Variants in PIGT observed in about 807,000 individuals in gnomAD.
The protein encoded by PIGT is GPI-anchor transamidase component PIGT.
A neutral mutation model predicts 66.7 loss-of-function variants in PIGT; 57 were observed. That is an observed-to-expected ratio of 0.86 (90% CI 0.69 to 1.07). PIGT has a LOEUF of 1.07. Among genes scored for constraint, PIGT ranks in the 50% least tolerant of loss-of-function variants. The probability of loss-of-function intolerance (pLI) is 0.00; values close to 1 mark genes in which losing one functional copy is unlikely to be tolerated. For synonymous variants in PIGT, 362 were observed against 320.5 expected (o/e 1.13, Z -1.38); for missense variants, 725 against 740.4 (o/e 0.98, Z 0.24).
Position 45,420,635 on chromosome 20 carries a change from G to A in PIGT, c.975G>A (p.Met325Ile). 1.2e-6 allele frequency: 2 copies of A among 1,613,838 alleles called. No individual in the cohort carries two copies. The highest frequency in any genetic ancestry group is 1.7e-6 in the Non-Finnish European group (2 of 1,179,984). ...YAIYDLLDTA[M>I]INNSRNLNIQ... ...TCTATGACTTGCTTGACACCGCCAT[G>A]ATCAACAACTCTCGAAACCTCAACA... The change falls in exon 8 of 12, where the codon ATG (methionine) becomes ATA (isoleucine). Residue 325 changes from methionine (M) to isoleucine (I), a missense_variant. Physicochemically the swap from Met to Ile is conservative, Grantham distance 10. This residue lies in a region of PIGT where 559 missense variants were observed against 552.7 expected (regional missense o/e 1.01). Coordinates refer to ENST00000279036, the MANE Select transcript of PIGT (RefSeq NM_015937.6).
Position 45,416,290 on chromosome 20 carries a change from C to A in PIGT, c.134C>A (p.Ala45Asp). The change falls in exon 1 of 12, where the codon GCC becomes GAC. Residue 45 changes from alanine (A) to aspartate (D), a missense_variant. By Grantham distance (126) the Ala-to-Asp change is moderately radical. Transcript: ENST00000279036. ...VITPLPSGDV[A>D]ATFQFRTRWD... is the part of the protein sequence containing the mutation. ...ACCCCGCTGCCTTCCGGGGACGTAG[C>A]CGCCACATTCCAGTTCCGCACGCGC... 2 of 1,598,458 alleles carry A rather than the reference C, an allele frequency of 1.3e-6. No homozygotes were observed. The highest frequency in any genetic ancestry group is 1.1e-5 in the South Asian group (1 of 88,586).
chr20:45,419,399 A>G lies in PIGT; in HGVS notation c.594+4A>G, dbSNP rs751421039. 1.2e-6 allele frequency: 2 copies of G among 1,610,012 alleles called. No homozygotes were observed. The highest frequency in any genetic ancestry group is 1.7e-6 in the Non-Finnish European group (2 of 1,178,484). On this transcript the variant is annotated splice_donor_region_variant and intron_variant, in intron 4 of 11. Transcript: ENST00000279036. ...GCTCTTGCCCTGTAGTTCCAAGGTG[A>G]GGCCGCAGAGCCTGGCAGCCGGGGG...
intron 2 of PIGT, chr20:45,416,944 G>A: frequency 2.7e-6 from 1 of 366,426 alleles, no homozygotes. Context: ...CTTATTTGGA[G>A]GTAAGGCAGT....
Position 45,419,484 on chromosome 20 carries a change from T to C in PIGT, c.595-20T>C, listed in dbSNP as rs778998943. ...AGTGCTCCATACAGGGCTTCTCTTA[T>C]CTCTTTCCATCTCCTCCAGGCAGGC... On this transcript the variant is annotated intron_variant, in intron 4 of 11. Coordinates refer to ENST00000279036, the MANE Select transcript of PIGT (RefSeq NM_015937.6). The C allele has an allele frequency of 2.5e-6, 4 of 1,614,062 alleles. No homozygotes were observed. In the South Asian group the frequency reaches 3.3e-5, roughly 13 times the overall value.
In PIGT at chr20:45,424,212, C is replaced by T. The variant is rs1486892001; in HGVS notation, c.1235-4C>T. 30 of 1,613,862 alleles carry T rather than the reference C, an allele frequency of 1.9e-5. No homozygotes were observed. Among genetic ancestry groups the T allele is most frequent in the Non-Finnish European group, 2.5e-5 (30 of 1,179,922 alleles). ...GAGATGTGGGTGACCTTGCATGTCT[C>T]CAGGTTACATCCACTACCAGCCTGC... On this transcript the variant is annotated splice_polypyrimidine_tract_variant and splice_region_variant and intron_variant, in intron 9 of 11. Coordinates refer to ENST00000279036, the MANE Select transcript of PIGT (RefSeq NM_015937.6).
At position 45,424,510 on chromosome 20, in the gene PIGT, G is replaced by A; in HGVS notation, c.1415G>A (p.Ser472Asn). The A allele has an allele frequency of 6.2e-7, 1 of 1,614,192 alleles. No homozygotes were observed. Among genetic ancestry groups the A allele is most frequent in the South Asian group, 1.1e-5 (1 of 91,084 alleles). ...HGFYVSPSVLSALVPSMVAAK... is the reference protein window; with the variant it reads ...HGFYVSPSVLNALVPSMVAAK... ...CTTCTCTGTAGCCCATCTGTCCTCA[G>A]CGCCCTTGTGCCCAGCATGGTAGCA... The change falls in exon 11 of 12, where the codon AGC becomes AAC. Residue 472 changes from serine (S) to asparagine (N), a missense_variant. This residue lies in a region of PIGT where 162 missense variants were observed against 171.1 expected (regional missense o/e 0.95). Transcript: ENST00000279036.
Position 45,421,480 on chromosome 20 carries a change from A to G in PIGT, c.1131A>G (p.Pro377=). ...GCACACTGCTGTACAACACCCACCC[A>G]TACCGGGCCTTCCCGGTGCTGCTGC... ...ELSTLLYNTH[P]YRAFPVLLLD... Residue 377 remains proline (P), a synonymous_variant, in exon 9 of 12, where the codon CCA becomes CCG. Coordinates refer to ENST00000279036, the MANE Select transcript of PIGT (RefSeq NM_015937.6). 6.2e-7 allele frequency: 1 copy of G among 1,614,164 alleles called. No individual in the cohort carries two copies. Among genetic ancestry groups the G allele is most frequent in the Non-Finnish European group, 8.5e-7 (1 of 1,180,002 alleles).
intron 9 of PIGT, chr20:45,422,143 A>G (rs1990403126): frequency 6.6e-6 from 1 of 152,258 alleles, no homozygotes; most frequent in Non-Finnish European, 1.5e-5. Context: ...TCTTTGGTGT[A>G]GGGGGAGACT....
At chr20:45,424,873 A>G in intron 11 of PIGT, 2 of 436,304 alleles carry the variant, frequency 4.6e-6, no homozygotes, top group South Asian at 4.7e-5. Context: ...TTCTGAGAGC[A>G]CTGAGTGTGC....
In PIGT at chr20:45,419,365, C is replaced by T. The variant is rs1990195781; in HGVS notation, c.564C>T (p.Pro188=). Residue 188 remains proline, a synonymous_variant, in exon 4 of 12, where the codon CCC becomes CCT. Transcript: ENST00000279036. ...REVVCTENLT[P]WKKLLPCSSK... ...TGGTCTGCACCGAAAACCTCACCCC[C>T]TGGAAGAAGCTCTTGCCCTGTAGTT... is the stretch of plus-strand genomic sequence containing the variant. 1 of 1,614,006 alleles carries T rather than the reference C, an allele frequency of 6.2e-7. No individual in the cohort carries two copies. The highest frequency in any genetic ancestry group is 8.5e-7 in the Non-Finnish European group (1 of 1,179,892).
chr20:45,416,643 A>C lies in PIGT; in HGVS notation c.314A>C (p.Gln105Pro). The C allele has an allele frequency of 6.2e-7, 1 of 1,614,100 alleles. No homozygotes were observed. Among genetic ancestry groups the C allele is most frequent in the Non-Finnish European group, 8.5e-7 (1 of 1,180,004 alleles). ...RTRYWGPPFL[Q>P]APSGAELWVW... ...CGATACTGGGGGCCACCCTTCCTGC[A>C]GGCCCCATCAGGTGCAGAGCTGTGG... Residue 105 changes from glutamine (Q) to proline (P), a missense_variant, in exon 2 of 12, where the codon CAG becomes CCG. Transcript: ENST00000279036.
chr20:45,419,035 T>C, intron 3 of PIGT, 56 bp downstream of exon 3: 1 of 1,609,084 alleles, frequency 6.2e-7, no homozygotes, highest in East Asian at 2.2e-5. Context: ...CCCAAACCTT[T>C]GCCTCCTTTT....
intron 8 of PIGT, 88 bp downstream of exon 8, chr20:45,420,781 G>A: frequency 1.5e-6 from 2 of 1,348,392 alleles, no homozygotes; most frequent in Admixed American, 1.7e-5. Context: ...AGATGATTGG[G>A]TTGTATTTAG....
At chr20:45,419,225 A>T (rs549989559) in intron 3 of PIGT, 70 bp from the exon 4 acceptor site, 4 of 1,323,828 alleles carry the variant, frequency 3.0e-6, no homozygotes. Context: ...GGTCATTCCC[A>T]TCTCTGGAAT....
Position 45,425,780 on chromosome 20 carries a change from G to A in PIGT, c.1691G>A (p.Arg564Gln), listed in dbSNP as rs367629282. ...CCCCGCACAGGTGGCCTGGCCAAGC[G>A]GCTGGCCAACCTTATCCGGCGCGCC... ...EEPRTGGLAKRLANLIRRARG... is the reference protein window; with the variant it reads ...EEPRTGGLAKQLANLIRRARG... The change falls in exon 12 of 12, where the codon CGG becomes CAG. Residue 564 changes from arginine (R) to glutamine (Q), a missense_variant. Around this residue, in one of 3 missense-constraint regions of PIGT, gnomAD observed 162 missense variants for 171.1 expected, o/e 0.95. Transcript: ENST00000279036. 57 of 1,613,878 alleles carry A rather than the reference G, an allele frequency of 3.5e-5. No individual in the cohort carries two copies. The highest frequency in any genetic ancestry group is 4.7e-5 in the Non-Finnish European group (55 of 1,179,926).
chr20:45,420,352 T>G lies in PIGT; in HGVS notation c.790T>G (p.Phe264Val), dbSNP rs1990281285. 6.2e-7 allele frequency: 1 copy of G among 1,613,400 alleles called. No homozygotes were observed. The highest frequency in any genetic ancestry group is 8.5e-7 in the Non-Finnish European group (1 of 1,179,754). ...GKKDWSLFRM[F>V]SRTLTEPCPL... ...CTCAGACTGGTCCCTCTTCCGGATGTTCTCCCGAACCCTCACGGAGCCCTG... is the reference window on the plus strand; with the variant it reads ...CTCAGACTGGTCCCTCTTCCGGATGGTCTCCCGAACCCTCACGGAGCCCTG... Residue 264 changes from phenylalanine to valine, a missense_variant, in exon 7 of 12, where the codon TTC (phenylalanine) becomes GTC (valine). Phe to Val is a conservative substitution (Grantham distance 50, BLOSUM62 -1). Around this residue, in one of 3 missense-constraint regions of PIGT, gnomAD observed 559 missense variants for 552.7 expected, o/e 1.01. Transcript: ENST00000279036.
rs764299877 is a variant in PIGT at position 45,425,818 on chromosome 20, C to A, written c.1729C>A (p.Pro577Thr). 4 of 1,613,362 alleles carry A rather than the reference C, an allele frequency of 2.5e-6. No individual in the cohort carries two copies. The South Asian group carries it at 3.3e-5, about 13-fold the overall frequency. The change falls in exon 12 of 12, where the codon CCA becomes ACA. Residue 577 changes from proline (P) to threonine (T), a missense_variant. Pro to Thr is a conservative substitution (Grantham distance 38). Transcript: ENST00000279036. ...NLIRRARGVP[P>T]L ...TATCCGGCGCGCCCGAGGTGTCCCC[C>A]CACTCTGATTCTTGCCCTTTCCAGC...
Position 45,421,401 on chromosome 20 carries a change from T to A in PIGT, c.1052T>A (p.Phe351Tyr). ...TACACAGAGGCCCCCCCAGTGCCCT[T>A]CCTGCATGCCCAGCGGTACGTGAGT... is the stretch of plus-strand genomic sequence containing the variant. ...PPENEAPPVP[F>Y]LHAQRYVSGY... The change falls in exon 9 of 12, where the codon TTC (phenylalanine) becomes TAC (tyrosine). Residue 351 changes from phenylalanine to tyrosine, a missense_variant. Physicochemically the swap from Phe to Tyr is conservative, Grantham distance 22. Around this residue, in one of 3 missense-constraint regions of PIGT, gnomAD observed 559 missense variants for 552.7 expected, o/e 1.01. Transcript: ENST00000279036. 6.2e-7 allele frequency: 1 copy of A among 1,613,908 alleles called. No homozygotes were observed. The highest frequency in any genetic ancestry group is 8.5e-7 in the Non-Finnish European group (1 of 1,179,828).
At position 45,416,267 on chromosome 20, in the gene PIGT, C is replaced by T. The variant is rs1293966706; in HGVS notation, c.111C>T (p.Thr37=). 1 of 1,595,316 alleles carries T rather than the reference C, an allele frequency of 6.3e-7. No individual in the cohort carries two copies. The highest frequency in any genetic ancestry group is 8.5e-7 in the Non-Finnish European group (1 of 1,171,306). ...RDSLREELVI[T]PLPSGDVAAT... is the part of the protein sequence containing the mutation. ...GCCTGCGGGAGGAACTTGTCATCAC[C>T]CCGCTGCCTTCCGGGGACGTAGCCG... The change falls in exon 1 of 12, where the codon ACC becomes ACT. Residue 37 remains threonine, a synonymous_variant. Coordinates refer to ENST00000279036, the MANE Select transcript of PIGT (RefSeq NM_015937.6).
Sources: allele counts gnomAD v4.1 joint callset, GRCh38; gene constraint gnomAD v4.1.1; regional missense constraint gnomAD v4.1.1; transcripts MANE v1.5; gene names NCBI Gene and HGNC (gene_info 2026-07-23, HGNC 2026-07-21).